The following RBM19 variants were observed in gnomAD, a reference collection of about 807,000 sequenced individuals.
RBM19 encodes the protein probable RNA-binding protein 19.
In RBM19, 94 loss-of-function variants were observed where a neutral mutation model predicts 116.8. The ratio of observed to expected loss-of-function variants is 0.80; its 90% CI spans 0.68 to 0.95. RBM19 has a LOEUF of 0.95. Ranked by LOEUF, RBM19 falls within the 40% of genes least tolerant of loss-of-function variation. The probability of loss-of-function intolerance (pLI) is 0.00; values close to 1 mark genes in which losing one functional copy is unlikely to be tolerated. For missense variants in RBM19, 1,161 were observed against 1,220.7 expected (o/e 0.95, Z 0.73); for synonymous variants, 475 against 494.1 (o/e 0.96, Z 0.51).
At chr12:113,937,837 C>T (rs540063103) in intron 15 of RBM19, among the ~76,000 whole-genome samples, 54 of 150,740 alleles carry the variant, frequency 3.6e-4, no homozygotes, top group Middle Eastern at 3.5e-3. Context: ...CCTCATTAGG[C>T]GGTTACTGGG....
chr12:113,900,449 C>G (rs1881617299), intron 21 of RBM19, among the ~76,000 whole-genome samples: 1 of 152,190 alleles, frequency 6.6e-6, no homozygotes, highest in African/African-American at 2.4e-5. Flanking sequence ...AATCCTCCCG[C>G]ACAGGGTTCC....
At chr12:113,906,127 C>T (rs993653901) in intron 21 of RBM19, among the ~76,000 whole-genome samples, 10 of 152,250 alleles carry the variant, frequency 6.6e-5, no homozygotes, top group African/African-American at 2.2e-4. Context: ...CCTACACATA[C>T]ACTCTACAGG....
chr12:113,881,050 T>G (rs2135788223), intron 21 of RBM19, among the ~76,000 whole-genome samples: 1 of 152,266 alleles, frequency 6.6e-6, no homozygotes, highest in Admixed American at 6.5e-5. Context: ...CATCATCCCC[T>G]CAATTTGCTT....
At chr12:113,826,775 C>T (rs908833561) in intron 23 of RBM19, among the ~76,000 whole-genome samples, 1 of 152,214 alleles carries the variant, frequency 6.6e-6, no homozygotes, top group Non-Finnish European at 1.5e-5. Context: ...ACCTGTGTTA[C>T]TATTATTGAT....
intron 21 of RBM19, among the ~76,000 whole-genome samples, chr12:113,889,620 T>C (rs888252338): frequency 6.6e-6 from 1 of 151,940 alleles, no homozygotes; most frequent in Non-Finnish European, 1.5e-5. Flanking sequence ...ATCTGCTTTC[T>C]AGTGTCGCTG....
intron 21 of RBM19, among the ~76,000 whole-genome samples, chr12:113,913,100 C>T (rs1466702145): frequency 2.0e-5 from 3 of 152,176 alleles, no homozygotes; most frequent in Admixed American, 6.5e-5. Context: ...TGAGATCACA[C>T]AAAGTGCTCT....
chr12:113,892,063 T>C (rs1241933096), intron 21 of RBM19, among the ~76,000 whole-genome samples: 2 of 152,186 alleles, frequency 1.3e-5, no homozygotes, highest in African/African-American at 4.8e-5. Flanking sequence ...CCGGTGTAAC[T>C]TACTCTGTGA....
chr12:113,942,281 C>T, intron 14 of RBM19, 43 bp downstream of exon 14: 1 of 1,565,844 alleles, frequency 6.4e-7, no homozygotes, highest in South Asian at 1.1e-5. Flanking sequence ...ATTCTCGACT[C>T]TCCAGTGGCT....
intron 22 of RBM19, among the ~76,000 whole-genome samples, chr12:113,845,770 G>A (rs914421585): frequency 6.6e-6 from 1 of 152,184 alleles, no homozygotes; most frequent in Non-Finnish European, 1.5e-5. Context: ...CTAACTTGAT[G>A]GGCTCATCCC....
chr12:113,823,286 C>T lies in RBM19; in HGVS notation c.2821G>A (p.Glu941Lys), dbSNP rs143207270. The T allele has an allele frequency of 4.5e-5, 73 of 1,613,110 alleles. No homozygotes were observed. Among genetic ancestry groups the T allele is most frequent in the Non-Finnish European group, 1.7e-5 (20 of 1,180,030 alleles). Residue 941 changes from glutamate (E) to lysine (K), a missense_variant, in exon 24 of 24, where the codon GAG becomes AAG. Coordinates refer to ENST00000261741, the MANE Select transcript of RBM19 (RefSeq NM_016196.4). The stretch of plus-strand genomic sequence containing the variant: ...CTGCCTTCCAGCTGCTCCAGGATCT[C>T]GTCCAACACCACAGACCGCTTTTTC... The part of the protein sequence containing the change: ...PKKKRSVVLD[E>K]ILEQLEGSDS...
intron 21 of RBM19, among the ~76,000 whole-genome samples, chr12:113,908,608 C>CTGAGA (rs1203442723): frequency 8.6e-6 from 1 of 116,544 alleles, no homozygotes; most frequent in Non-Finnish European, 1.7e-5. Flanking sequence ...AAAAAAGATG[C>CTGAGA]TGAGATAAAA....
chr12:113,893,133 G>A (rs1459961277), intron 21 of RBM19, among the ~76,000 whole-genome samples: 2 of 151,560 alleles, frequency 1.3e-5, no homozygotes, highest in African/African-American at 2.4e-5. Context: ...CTGGGCTCAA[G>A]CCATCCTCCC....
chr12:113,955,172 G>A lies in RBM19; in HGVS notation c.880C>T (p.His294Tyr). Residue 294 changes from histidine (H) to tyrosine (Y), a missense_variant, in exon 7 of 24, where the codon CAC becomes TAC. His to Tyr is a moderately conservative substitution (Grantham distance 83). Transcript: ENST00000261741. ...PANQKEPTTCHTVKLRGAPFN... is the reference protein window; with the variant it reads ...PANQKEPTTCYTVKLRGAPFN... The stretch of plus-strand genomic sequence containing the variant: ...GGGGCTCCCCGCAGCTTCACGGTGT[G>A]GCAGGTGGTGGGTTCCTTCTGGTTT... 2.5e-6 allele frequency: 4 copies of A among 1,613,712 alleles called. No homozygotes were observed. The highest frequency in any genetic ancestry group is 3.4e-6 in the Non-Finnish European group (4 of 1,179,764).
In RBM19 at chr12:113,957,817, C is replaced by G. The variant is rs749089233; in HGVS notation, c.805G>C (p.Ala269Pro). ...GCCTCCGGTGGTCTCTTTTTCCCAG[C>G]TGGCATCCCTTGCTCTTGGCCTGCA... ...KGAGQEQGMP[A>P]GKKRPPEARA... Residue 269 changes from alanine (A) to proline (P), a missense_variant, in exon 6 of 24, where the codon GCT (alanine) becomes CCT (proline). By Grantham distance (27) the Ala-to-Pro change is conservative (BLOSUM62 -1). Transcript: ENST00000261741. 3 of 1,606,220 alleles carry G rather than the reference C, an allele frequency of 1.9e-6. No homozygotes were observed. The African/African-American group carries it at 4.0e-5, about 22-fold the overall frequency.
rs141581699 is a variant in RBM19 at position 113,946,455 on chromosome 12, T to C, written c.1428A>G (p.Leu476=). The part of the protein sequence containing the change: ...QVFQGRMLHV[L]PSTIKKEASE... ...TGGCTTCCTTCTTGATGGTAGATGGTAACACGTGGAGCATCCTGCCCTGGA... is the reference window on the plus strand; with the variant it reads ...TGGCTTCCTTCTTGATGGTAGATGGCAACACGTGGAGCATCCTGCCCTGGA... The change falls in exon 12 of 24, where the codon TTA becomes TTG. Residue 476 remains leucine (L), a synonymous_variant. Transcript: ENST00000261741. 2.0e-5 allele frequency: 33 copies of C among 1,613,950 alleles called. No individual in the cohort carries two copies. The highest frequency in any genetic ancestry group is 2.7e-5 in the Non-Finnish European group (32 of 1,180,004).
chr12:113,928,417 T>TACAC (rs3066401), intron 16 of RBM19, among the ~76,000 whole-genome samples: 14,365 of 136,102 alleles, frequency 0.11, 807 homozygotes, highest in African/African-American at 0.13. Context: ...TACATGTGCA[T>TACAC]ACACACACAC....
intron 21 of RBM19, among the ~76,000 whole-genome samples, chr12:113,884,586 G>A: frequency 6.6e-6 from 1 of 152,128 alleles, no homozygotes; most frequent in East Asian, 1.9e-4. Flanking sequence ...CTGGAGGCAA[G>A]GAGACCCTGT....
chr12:113,952,341 G>A (rs967624229), intron 8 of RBM19, among the ~76,000 whole-genome samples, 171 bp downstream of exon 8: 1 of 152,198 alleles, frequency 6.6e-6, no homozygotes, highest in Non-Finnish European at 1.5e-5. Flanking sequence ...ACCAAAGGCT[G>A]GGGCAAGAGA....
At chr12:113,963,038 G>A (rs769622467) in intron 1 of RBM19, among the ~76,000 whole-genome samples, 24 of 152,170 alleles carry the variant, frequency 1.6e-4, no homozygotes, top group Non-Finnish European at 3.1e-4. Context: ...CAAATATGGA[G>A]TATATAGCTA....
Sources: gnomAD v4.1 joint callset for allele counts (sites outside exome capture counted in the v4.1 genomes callset) on GRCh38, gnomAD v4.1.1 for gene constraint, MANE v1.5 for transcripts, NCBI Gene and HGNC (gene_info 2026-07-23, HGNC 2026-07-21) for gene names.